The following FARSB variants were observed in gnomAD, a reference collection of about 807,000 sequenced individuals.
FARSB encodes the protein phenylalanyl-tRNA synthetase subunit beta.
Under a neutral mutation model 69.6 loss-of-function variants are expected in FARSB, and 40 were observed. That is an observed-to-expected ratio of 0.57 (90% CI 0.45 to 0.75). The LOEUF (loss-of-function observed/expected upper bound fraction) is 0.75, where lower values mean the gene tolerates loss of function less well. FARSB is among the 30% of genes least tolerant of loss of function. The pLI is 0.00. For synonymous variants in FARSB, 235 were observed against 247.2 expected (o/e 0.95, Z 0.46); for missense variants, 632 against 722.9 (o/e 0.87, Z 1.44).
intron 13 of FARSB, 112 bp from the exon 14 acceptor site, chr2:222,619,849 T>C (rs1249571363): frequency 5.1e-6 from 3 of 588,322 alleles, no homozygotes; most frequent in Non-Finnish European, 9.3e-6. Context: ...TCTACACATA[T>C]CAGCAAGTTA....
chr2:222,630,212 A>T, intron 8 of FARSB, 38 bp from the exon 9 acceptor site: 2 of 1,024,510 alleles, frequency 2.0e-6, no homozygotes, highest in African/African-American at 3.3e-5. Flanking sequence ...TAATCTATAA[A>T]TATATTCTCT....
rs780568817 is a variant in FARSB, at chr2:222,571,897, C to G, written c.1744G>C (p.Glu582Gln). ...CACAAAAAGGGTCCAACATTGATTTCTAGGGAGGAGCAGGGCATGGTCAGC... is the reference window on the plus strand; with the variant it reads ...CACAAAAAGGGTCCAACATTGATTTGTAGGGAGGAGCAGGGCATGGTCAGC... ...FELTMPCSSL[E>Q]INVGPFL Residue 582 changes from glutamate (E) to glutamine (Q), a missense_variant, in exon 17 of 17, where the codon GAA (glutamate) becomes CAA (glutamine). By Grantham distance (29) the Glu-to-Gln change is conservative. Coordinates refer to ENST00000281828, the MANE Select transcript of FARSB (RefSeq NM_005687.5). The G allele has an allele frequency of 1.2e-6, 2 of 1,613,290 alleles. No homozygotes were observed. Among genetic ancestry groups the G allele is most frequent in the Non-Finnish European group, 1.7e-6 (2 of 1,179,628 alleles).
intron 16 of FARSB, among the ~76,000 whole-genome samples, chr2:222,579,586 G>C (rs1689919628): frequency 6.6e-6 from 1 of 152,192 alleles, no homozygotes; most frequent in Non-Finnish European, 1.5e-5. Context: ...AAAAAGAGCT[G>C]AAATGTTAGA....
chr2:222,613,604 T>C (rs1690912652), intron 15 of FARSB, among the ~76,000 whole-genome samples: 1 of 152,180 alleles, frequency 6.6e-6, no homozygotes, highest in Non-Finnish European at 1.5e-5. Flanking sequence ...TGATACAATG[T>C]CTATGATTCA....
intron 15 of FARSB, among the ~76,000 whole-genome samples, chr2:222,604,898 C>T (rs965382528): frequency 6.6e-6 from 1 of 151,776 alleles, no homozygotes; most frequent in African/African-American, 2.4e-5. Context: ...TGAGTAAATG[C>T]CTACAGCCTA....
In FARSB at chr2:222,613,897, A is replaced by G; in HGVS notation, c.1376T>C (p.Leu459Pro). The G allele has an allele frequency of 1.2e-6, 2 of 1,613,782 alleles. No homozygotes were observed. The highest frequency in any genetic ancestry group is 2.2e-5 in the South Asian group (2 of 91,068). ...CTTACGATTTGCTGCTATGGTCTTC[A>G]GGAGGCCAGGAAGAAGGGTAGTGCG... is the stretch of plus-strand genomic sequence containing the variant. ...VARTTLLPGL[L>P]KTIAANRKMP... is the part of the protein sequence containing the mutation. The change falls in exon 15 of 17, where the codon CTG (leucine) becomes CCG (proline). Residue 459 changes from leucine to proline, a missense_variant. Physicochemically the swap from Leu to Pro is moderately conservative, Grantham distance 98 (BLOSUM62 -3). Coordinates refer to ENST00000281828, the MANE Select transcript of FARSB (RefSeq NM_005687.5).
Position 222,600,045 on chromosome 2 carries a change from A to G in FARSB, c.1501T>C (p.Tyr501His). ...AKNYRHLCAVYYNKNPGFEII... is the reference protein window; with the variant it reads ...AKNYRHLCAVHYNKNPGFEII... ...TCAAACCCAGGATTCTTGTTGTAATAAACAGCACAGAGATGTCTGTAGTTT... is the reference window on the plus strand; with the variant it reads ...TCAAACCCAGGATTCTTGTTGTAATGAACAGCACAGAGATGTCTGTAGTTT... The change falls in exon 16 of 17, where the codon TAT (tyrosine) becomes CAT (histidine). Residue 501 changes from tyrosine to histidine, a missense_variant. Tyr to His is a moderately conservative substitution (Grantham distance 83). Coordinates refer to ENST00000281828, the MANE Select transcript of FARSB (RefSeq NM_005687.5). 1 of 1,611,208 alleles carries G rather than the reference A, an allele frequency of 6.2e-7. No homozygotes were observed. Among genetic ancestry groups the G allele is most frequent in the Non-Finnish European group, 8.5e-7 (1 of 1,179,324 alleles).
intron 7 of FARSB, 135 bp downstream of exon 7, chr2:222,633,064 A>T: frequency 1.6e-6 from 1 of 624,388 alleles, no homozygotes; most frequent in South Asian, 1.9e-5. Context: ...AATGATTAGA[A>T]TCTACAAAAG....
At chr2:222,643,076 G>T in intron 2 of FARSB, 71 bp from the exon 3 acceptor site, 2 of 838,996 alleles carry the variant, frequency 2.4e-6, no homozygotes, top group South Asian at 2.1e-5. Flanking sequence ...AAAGTTGTCA[G>T]CCCTATAAGG....
intron 16 of FARSB, among the ~76,000 whole-genome samples, chr2:222,589,217 C>T (rs1690200082): frequency 1.3e-5 from 2 of 152,170 alleles, no homozygotes; most frequent in Non-Finnish European, 2.9e-5. Flanking sequence ...CACACATCTA[C>T]AACCATCTGA....
chr2:222,634,341 G>A (rs775560298), intron 6 of FARSB, 50 bp downstream of exon 6: 2 of 1,345,458 alleles, frequency 1.5e-6, no homozygotes, highest in Non-Finnish European at 2.0e-6. Context: ...GACTTTGATG[G>A]AATTTCATGA....
At chr2:222,584,612 G>A (rs974925583) in intron 16 of FARSB, among the ~76,000 whole-genome samples, 6 of 152,152 alleles carry the variant, frequency 3.9e-5, no homozygotes, top group African/African-American at 7.2e-5. Flanking sequence ...CGTGACAGAC[G>A]GTACCTGGAA....
rs764576503 is a variant in FARSB at position 222,639,550 on chromosome 2, G to A, written c.455+30C>T. 2.9e-6 allele frequency: 3 copies of A among 1,052,390 alleles called. No individual in the cohort carries two copies. The South Asian group carries it at 4.4e-5, about 16-fold the overall frequency. The allele number at this position is 1,052,390 out of a possible 1,614,324, so 65.2% of individuals were successfully genotyped here. A position where few individuals can be genotyped will look rare whatever the true frequency, so the allele number is the denominator to read the frequency against. ...TAGGGAGACAAAGGGAAAGGGGAAG[G>A]CAAGGAAGAAAGAAAATGCAACCAC... On this transcript the variant is annotated intron_variant, in intron 5 of 16. Transcript: ENST00000281828.
chr2:222,589,667 G>GA (rs1331649393), intron 16 of FARSB, among the ~76,000 whole-genome samples: 18 of 151,926 alleles, frequency 1.2e-4, no homozygotes, highest in Admixed American at 2.0e-4. Flanking sequence ...AAATTTACAA[G>GA]AAAAAATCAA....
At chr2:222,581,452 G>T (rs568743662) in intron 16 of FARSB, among the ~76,000 whole-genome samples, 1 of 152,208 alleles carries the variant, frequency 6.6e-6, no homozygotes, top group East Asian at 1.9e-4. Flanking sequence ...CATAGTAAAA[G>T]AAACATTTCC....
At chr2:222,583,837 C>T (rs561179057) in intron 16 of FARSB, among the ~76,000 whole-genome samples, 8 of 152,242 alleles carry the variant, frequency 5.3e-5, no homozygotes, top group African/African-American at 1.7e-4. Flanking sequence ...GCATTTCCCC[C>T]TTTACTCACT....
intron 16 of FARSB, among the ~76,000 whole-genome samples, chr2:222,598,551 G>C (rs944681998): frequency 6.6e-6 from 1 of 152,134 alleles, no homozygotes; most frequent in African/African-American, 2.4e-5. Context: ...TAAGAAATAA[G>C]ATTTCTGAGA....
intron 13 of FARSB, among the ~76,000 whole-genome samples, chr2:222,619,960 C>A (rs1434663435): frequency 6.6e-6 from 1 of 152,068 alleles, no homozygotes; most frequent in Non-Finnish European, 1.5e-5. Context: ...CAATCTCAGG[C>A]CCATAGCAGA....
At chr2:222,625,228 C>T (rs1397408745) in intron 10 of FARSB, among the ~76,000 whole-genome samples, 1 of 152,152 alleles carries the variant, frequency 6.6e-6, no homozygotes, top group Non-Finnish European at 1.5e-5. Context: ...TCCTTTCTTA[C>T]CATTTCCAGG....
Sources: allele counts gnomAD v4.1 joint callset (sites outside exome capture counted in the v4.1 genomes callset), GRCh38; gene constraint gnomAD v4.1.1; transcripts MANE v1.5; gene names NCBI Gene and HGNC (gene_info 2026-07-23, HGNC 2026-07-21).